The following TAS2R1 variants were observed in gnomAD, a reference collection of about 807,000 sequenced individuals.
TAS2R1 encodes taste receptor type 2 member 1.
For synonymous variants in TAS2R1, 141 were observed against 134.2 expected, an observed-to-expected ratio of 1.05 and a Z score of -0.35; for missense variants, 370 against 353.4, an observed-to-expected ratio of 1.05 and a Z score of -0.38.
the TAS2R1 span, among the ~76,000 whole-genome samples, chr5:9,723,154 G>GC: frequency 2.0e-5 from 3 of 152,214 alleles, no homozygotes; most frequent in African/African-American, 7.2e-5. Context: ...TGCTAATCCA[G>GC]CTTGCAGATG....
chr5:9,668,857 C>G (rs1740694110), intron 1 of TAS2R1, among the ~76,000 whole-genome samples: 1 of 151,904 alleles, frequency 6.6e-6, no homozygotes, highest in South Asian at 2.1e-4. Context: ...ACCACACAAT[C>G]AAGTCTGCAT....
intron 1 of TAS2R1, among the ~76,000 whole-genome samples, chr5:9,702,183 C>T (rs1480629823): frequency 6.6e-6 from 1 of 152,166 alleles, no homozygotes; most frequent in Non-Finnish European, 1.5e-5. Context: ...CCAATAAGTG[C>T]CAAATACTTC....
At chr5:9,634,812 C>T (rs1423055055), upstream of TAS2R1, among the ~76,000 whole-genome samples, 1 of 152,056 alleles carries the variant, frequency 6.6e-6, no homozygotes, top group Non-Finnish European at 1.5e-5. Context: ...TGAAACTTTA[C>T]TGAATTCATT....
upstream of TAS2R1, among the ~76,000 whole-genome samples, chr5:9,717,110 G>C (rs959452486): frequency 3.9e-5 from 6 of 152,146 alleles, no homozygotes; most frequent in South Asian, 2.1e-4. Flanking sequence ...AGAGGGCCAC[G>C]AGGAAGCACA....
chr5:9,851,939 A>G, the TAS2R1 span, among the ~76,000 whole-genome samples: 3 of 152,342 alleles, frequency 2.0e-5, no homozygotes, highest in East Asian at 3.9e-4. Context: ...AGCTTCAGAT[A>G]GAGGCTTGAC....
At chr5:9,830,296 A>G in the TAS2R1 span, among the ~76,000 whole-genome samples, 43,270 of 152,034 alleles carry the variant, frequency 0.28, 6,905 homozygotes, top group Non-Finnish European at 0.37. Flanking sequence ...ACAAAGAAAG[A>G]TGACAGATAT....
chr5:9,683,892 T>G (rs1313055215), intron 1 of TAS2R1, among the ~76,000 whole-genome samples: 1 of 152,198 alleles, frequency 6.6e-6, no homozygotes, highest in Non-Finnish European at 1.5e-5. Context: ...TTTTGATTCT[T>G]TACTGTCAGG....
intron 1 of TAS2R1, among the ~76,000 whole-genome samples, chr5:9,711,058 G>A (rs1330107515): frequency 2.6e-5 from 4 of 151,130 alleles, no homozygotes; most frequent in African/African-American, 7.3e-5. Context: ...TTGTTGATGG[G>A]AATGTAAAAT....
chr5:9,782,178 C>G, the TAS2R1 span, among the ~76,000 whole-genome samples: 1 of 152,230 alleles, frequency 6.6e-6, no homozygotes, highest in Non-Finnish European at 1.5e-5. Flanking sequence ...AGTCCATGCA[C>G]AGGGCAGGCC....
the TAS2R1 span, among the ~76,000 whole-genome samples, chr5:9,782,650 C>T: frequency 2.0e-5 from 3 of 152,306 alleles, no homozygotes; most frequent in East Asian, 1.9e-4. Flanking sequence ...CACTGATGGG[C>T]GCATTAACCA....
chr5:9,661,181 T>A (rs931611097), intron 1 of TAS2R1, among the ~76,000 whole-genome samples: 1 of 152,224 alleles, frequency 6.6e-6, no homozygotes, highest in African/African-American at 2.4e-5. Context: ...AAGTTATACT[T>A]CTAATTAAAA....
At chr5:9,656,971 T>A (rs1740427537) in intron 2 of TAS2R1, among the ~76,000 whole-genome samples, 1 of 152,080 alleles carries the variant, frequency 6.6e-6, no homozygotes, top group Non-Finnish European at 1.5e-5. Flanking sequence ...AATTCAAAAC[T>A]TAACGATGAT....
chr5:9,691,939 C>T (rs539437485), intron 1 of TAS2R1, among the ~76,000 whole-genome samples: 33 of 152,288 alleles, frequency 2.2e-4, no homozygotes, highest in Non-Finnish European at 4.6e-4. Context: ...ATATTCTCCA[C>T]CCCAGACCCC....
chr5:9,836,264 C>G, the TAS2R1 span, among the ~76,000 whole-genome samples: 1 of 152,048 alleles, frequency 6.6e-6, no homozygotes. Context: ...TTGGGTATGT[C>G]TTTACCAGCA....
the TAS2R1 span, among the ~76,000 whole-genome samples, chr5:9,761,233 A>C: frequency 6.6e-6 from 1 of 152,254 alleles, no homozygotes; most frequent in Non-Finnish European, 1.5e-5. Flanking sequence ...GAGAAAATAC[A>C]TCTTCCTCTG....
At chr5:9,797,394 G>A in the TAS2R1 span, among the ~76,000 whole-genome samples, 2 of 152,228 alleles carry the variant, frequency 1.3e-5, no homozygotes, top group African/African-American at 4.8e-5. Flanking sequence ...TGGGGTACTT[G>A]GAAGACAAGG....
the TAS2R1 span, among the ~76,000 whole-genome samples, chr5:9,901,136 G>A: frequency 6.6e-6 from 1 of 152,126 alleles, no homozygotes; most frequent in Admixed American, 6.5e-5. Context: ...AGAAGGGTAG[G>A]CATCTCTCCA....
the TAS2R1 span, among the ~76,000 whole-genome samples, chr5:9,877,487 TG>T: frequency 7.9e-5 from 12 of 152,370 alleles, no homozygotes; most frequent in African/African-American, 2.9e-4. Context: ...TTATACTTTT[TG>T]AATAGCAAGT....
At position 9,637,241 on chromosome 5, in the gene TAS2R1, G is replaced by T. The variant is rs12332509; in HGVS notation, c.-80-7249C>A. 7.7e-3 allele frequency among the ~76,000 whole-genome samples: 1,169 copies of T among 152,236 alleles called. 15 individuals are homozygous for T. Among genetic ancestry groups the T allele is most frequent in the African/African-American group, 0.027 (1,116 of 41,524 alleles). ...GCTGACAATTATTTTGTTTCAGGAG[G>T]CTAAAAATGGAACCCCAAGCCTTTC... On this transcript the variant is annotated intron_variant, in intron 2 of 2. Coordinates refer to the TAS2R1 transcript ENST00000506620.
Sources: allele counts gnomAD v4.1 joint callset (sites outside exome capture counted in the v4.1 genomes callset), GRCh38; gene constraint gnomAD v4.1.1; transcripts MANE v1.5; gene names NCBI Gene and HGNC (gene_info 2026-07-23, HGNC 2026-07-21).